Variants in ANKRD44 observed in about 807,000 individuals in gnomAD.
ANKRD44 encodes the protein serine/threonine-protein phosphatase 6 regulatory ankyrin repeat subunit B.
A neutral mutation model predicts 116.0 loss-of-function variants in ANKRD44; 35 were observed. The observed-to-expected ratio is 0.30, with a 90% CI of 0.23 to 0.40. The LOEUF (loss-of-function observed/expected upper bound fraction) is 0.40, where lower values mean the gene tolerates loss of function less well. Ranked by LOEUF, ANKRD44 falls within the 10% of genes least tolerant of loss-of-function variation. The pLI, the probability that ANKRD44 is intolerant of heterozygous loss-of-function variation, is 1.00. For synonymous variants in ANKRD44, 435 were observed against 461.8 expected (o/e 0.94, Z 0.74); for missense variants, 1,014 against 1,242.6 (o/e 0.82, Z 2.77).
At chr2:196,997,552 C>T (rs1159564679) in intron 25 of ANKRD44, among the ~76,000 whole-genome samples, 2 of 148,856 alleles carry the variant, frequency 1.3e-5, no homozygotes, top group African/African-American at 2.5e-5. Flanking sequence ...CGGGTTCAAA[C>T]GATTCTCCTG....
intron 1 of ANKRD44, among the ~76,000 whole-genome samples, chr2:197,279,538 C>CT: frequency 6.6e-6 from 1 of 152,210 alleles, no homozygotes; most frequent in Non-Finnish European, 1.5e-5. Context: ...CAATCTCCCA[C>CT]TGTTGCCCAT....
At chr2:197,013,213 CT>C (rs1342490491) in intron 18 of ANKRD44, among the ~76,000 whole-genome samples, 1 of 152,094 alleles carries the variant, frequency 6.6e-6, no homozygotes, top group African/African-American at 2.4e-5. Context: ...TTCTATGTAA[CT>C]TGTTCTGAAG....
Position 197,078,747 on chromosome 2 carries a change from T to C in ANKRD44, c.1606A>G (p.Ile536Val). The change falls in exon 16 of 28, where the codon ATA becomes GTA. Residue 536 changes from isoleucine (I) to valine (V), a missense_variant. Ile to Val is a conservative substitution (Grantham distance 29). Transcript: ENST00000282272. ...SIRDKEGYNSIHYAAAYGHRQ... is the reference protein window; with the variant it reads ...SIRDKEGYNSVHYAAAYGHRQ... ...TGCCCATAGGCGGCAGCATAATGTA[T>C]GCTATTGTAACCTTCCTTGTCCCGG... 6.2e-7 allele frequency: 1 copy of C among 1,612,876 alleles called. No individual in the cohort carries two copies. The highest frequency in any genetic ancestry group is 1.1e-5 in the South Asian group (1 of 91,060).
At chr2:197,208,816 A>G (rs1684899322) in intron 1 of ANKRD44, among the ~76,000 whole-genome samples, 1 of 152,116 alleles carries the variant, frequency 6.6e-6, no homozygotes, top group African/African-American at 2.4e-5. Flanking sequence ...ATAAAAAATA[A>G]AAAATAAAAA....
rs1553489113 is a variant in ANKRD44, at chr2:197,026,047, C to CAACA, written c.1651-781_1651-780insTGTT. Among the ~76,000 whole-genome samples the CAACA allele has an allele frequency of 9.1e-4, 118 of 130,370 alleles. 4 individuals are homozygous for CAACA. In the South Asian group the frequency reaches 9.9e-3, roughly 11 times the overall value. 85.5% of individuals were successfully genotyped at this position (130,370 alleles called of 152,430 possible). ...CAGAGAAGGGGGAGATAAAAAGAAA[C>CAACA]AAAAAAAAAAAAAACACCTTTCTGG... On this transcript the variant is annotated intron_variant, in intron 16 of 27. Coordinates refer to ENST00000282272, the MANE Select transcript of ANKRD44 (RefSeq NM_001195144.2).
chr2:197,100,359 T>G (rs540775419), intron 9 of ANKRD44, among the ~76,000 whole-genome samples: 21 of 152,100 alleles, frequency 1.4e-4, no homozygotes, highest in African/African-American at 4.8e-4. Flanking sequence ...CGCTTGGACC[T>G]GGGAGGCAGA....
chr2:197,288,334 T>A (rs1296626875), intron 1 of ANKRD44, among the ~76,000 whole-genome samples: 1 of 152,158 alleles, frequency 6.6e-6, no homozygotes, highest in Non-Finnish European at 1.5e-5. Flanking sequence ...CAGATGCTGG[T>A]GAGGATGCAG....
At chr2:197,043,749 C>G (rs2076952938) in intron 16 of ANKRD44, among the ~76,000 whole-genome samples, 1 of 151,508 alleles carries the variant, frequency 6.6e-6, no homozygotes, top group South Asian at 2.1e-4. Flanking sequence ...GCATGGTTGT[C>G]AAAACTGGAC....
chr2:197,272,202 A>G (rs2082916283), intron 1 of ANKRD44, among the ~76,000 whole-genome samples: 1 of 152,046 alleles, frequency 6.6e-6, no homozygotes. Flanking sequence ...TGGGAGAAAT[A>G]AATTTCTATT....
intron 1 of ANKRD44, among the ~76,000 whole-genome samples, chr2:197,252,718 A>C (rs2105672572): frequency 6.6e-6 from 1 of 152,270 alleles, no homozygotes; most frequent in African/African-American, 2.4e-5. Flanking sequence ...CAAGTGTTCA[A>C]ATATTTTAGC....
intron 2 of ANKRD44, among the ~76,000 whole-genome samples, chr2:197,185,741 T>C (rs1489098372): frequency 6.6e-6 from 1 of 152,166 alleles, no homozygotes; most frequent in Non-Finnish European, 1.5e-5. Context: ...CTTGATGAAA[T>C]AGTTTGATTC....
At chr2:196,978,716 C>G (rs2075776919) in intron 21 of ANKRD44, among the ~76,000 whole-genome samples, 1 of 151,558 alleles carries the variant, frequency 6.6e-6, no homozygotes, top group South Asian at 2.1e-4. Flanking sequence ...TTTAAAATCA[C>G]TAAAAACCAT....
chr2:197,257,194 T>C (rs1010802566), intron 1 of ANKRD44, among the ~76,000 whole-genome samples: 20 of 152,200 alleles, frequency 1.3e-4, no homozygotes, highest in Non-Finnish European at 1.3e-4. Context: ...GATTTCTTTA[T>C]AGTAAAGGTG....
chr2:197,029,944 G>A (rs2076672955), intron 16 of ANKRD44: 2 of 189,274 alleles, frequency 1.1e-5, no homozygotes, highest in African/African-American at 4.8e-5. Context: ...TTTTTGGGTT[G>A]TGTTCATTCT....
chr2:196,996,761 G>A (rs537414181), intron 25 of ANKRD44, among the ~76,000 whole-genome samples: 11 of 151,950 alleles, frequency 7.2e-5, no homozygotes, highest in South Asian at 6.2e-4. Flanking sequence ...AAAATTAGCC[G>A]GGCATGGTGG....
chr2:197,197,576 C>A (rs1426730541), intron 1 of ANKRD44, among the ~76,000 whole-genome samples: 2 of 151,962 alleles, frequency 1.3e-5, no homozygotes, highest in Non-Finnish European at 2.9e-5. Context: ...TTTGGGAGAC[C>A]AAGGCAGGCG....
At chr2:197,194,359 C>T (rs984358565) in intron 1 of ANKRD44, among the ~76,000 whole-genome samples, 2 of 152,204 alleles carry the variant, frequency 1.3e-5, no homozygotes, top group African/African-American at 4.8e-5. Flanking sequence ...TTCATGCCAG[C>T]TTAATGGGAC....
intron 1 of ANKRD44, among the ~76,000 whole-genome samples, chr2:197,215,649 G>T (rs1014640582): frequency 6.6e-6 from 1 of 152,088 alleles, no homozygotes; most frequent in South Asian, 2.1e-4. Context: ...ATGTGTTCTT[G>T]ATCGACCGAG....
Position 197,147,125 on chromosome 2 carries a change from A to C in ANKRD44, c.112-20T>G, listed in dbSNP as rs756433742. 1 of 1,612,084 alleles carries C rather than the reference A, an allele frequency of 6.2e-7. No homozygotes were observed. On this transcript the variant is annotated intron_variant, in intron 2 of 27. Coordinates refer to ENST00000282272, the MANE Select transcript of ANKRD44 (RefSeq NM_001195144.2). ...AGAATCCTGAAATACACAACGTCAA[A>C]GACATACAACAGGTCAGTGGCAGCT...
Sources: allele counts gnomAD v4.1 joint callset (sites outside exome capture counted in the v4.1 genomes callset), GRCh38; gene constraint gnomAD v4.1.1; transcripts MANE v1.5; gene names NCBI Gene and HGNC (gene_info 2026-07-23, HGNC 2026-07-21).